The following PDE1C variants were observed in gnomAD, a reference collection of about 807,000 sequenced individuals.
PDE1C encodes the protein phosphodiesterase 1C.
PDE1C carries 62 observed loss-of-function variants against 93.1 expected under a neutral mutation model. The ratio of observed to expected loss-of-function variants is 0.67; its 90% CI spans 0.54 to 0.82. PDE1C has a LOEUF of 0.82. Among genes scored for constraint, PDE1C ranks in the 40% least tolerant of loss-of-function variants. The pLI is 0.00. For synonymous variants in PDE1C, 325 were observed against 310.1 expected, an observed-to-expected ratio of 1.05 and a Z score of -0.50; for missense variants, 742 against 884.6, an observed-to-expected ratio of 0.84 and a Z score of 2.04.
At chr7:31,674,530 T>G in the PDE1C span, among the ~76,000 whole-genome samples, 4 of 152,200 alleles carry the variant, frequency 2.6e-5, no homozygotes, top group South Asian at 8.3e-4. Context: ...AATAAAGATA[T>G]AAAGATATAT....
intron 2 of PDE1C, among the ~76,000 whole-genome samples, chr7:32,040,104 T>C (rs942644249): frequency 6.6e-6 from 1 of 152,308 alleles, no homozygotes; most frequent in South Asian, 2.1e-4. Context: ...CAGCTACATT[T>C]ATGAAACATA....
intron 16 of PDE1C, among the ~76,000 whole-genome samples, chr7:31,792,497 C>T (rs1316745427): frequency 6.6e-6 from 1 of 152,008 alleles, no homozygotes; most frequent in East Asian, 1.9e-4. Context: ...ATAATAAACA[C>T]ACCAATTATA....
At chr7:32,250,956 C>T (rs762148342) in intron 1 of PDE1C, among the ~76,000 whole-genome samples, 1 of 152,214 alleles carries the variant, frequency 6.6e-6, no homozygotes, top group Non-Finnish European at 1.5e-5. Flanking sequence ...TGATCTAATG[C>T]CAGATGGCGA....
At chr7:31,962,681 G>C (rs186228329) in intron 2 of PDE1C, among the ~76,000 whole-genome samples, 21 of 152,314 alleles carry the variant, frequency 1.4e-4, no homozygotes, top group Middle Eastern at 3.4e-3. Context: ...ATGGCTAACA[G>C]AAATGAAATG....
At chr7:32,128,379 C>T (rs966282547) in intron 3 of PDE1C, among the ~76,000 whole-genome samples, 2 of 151,658 alleles carry the variant, frequency 1.3e-5, no homozygotes, top group African/African-American at 4.8e-5. Context: ...TATGTCAACA[C>T]ACAACATAAA....
chr7:31,931,457 G>C (rs1467782795), intron 2 of PDE1C, among the ~76,000 whole-genome samples: 1 of 152,262 alleles, frequency 6.6e-6, no homozygotes, highest in East Asian at 1.9e-4. Context: ...GACAAACAGA[G>C]AGCCAAATCA....
chr7:32,348,733 G>C (rs1292653770), intron 1 of PDE1C, among the ~76,000 whole-genome samples: 2 of 152,076 alleles, frequency 1.3e-5, no homozygotes, highest in African/African-American at 4.8e-5. Flanking sequence ...CTGGGGTAGG[G>C]GGACTCCCCA....
chr7:31,892,186 G>A (rs980902034), intron 2 of PDE1C, among the ~76,000 whole-genome samples: 3 of 152,144 alleles, frequency 2.0e-5, no homozygotes, highest in Admixed American at 2.0e-4. Context: ...CTTCGGCTTG[G>A]CCTCAGCAGC....
At chr7:32,121,175 T>C (rs1355710370) in intron 3 of PDE1C, among the ~76,000 whole-genome samples, 1 of 151,602 alleles carries the variant, frequency 6.6e-6, no homozygotes, top group Non-Finnish European at 1.5e-5. Flanking sequence ...CAGACAAGGA[T>C]ACAGAAAAAA....
intron 1 of PDE1C, among the ~76,000 whole-genome samples, chr7:32,375,338 A>G (rs1174415766): frequency 6.6e-6 from 1 of 152,158 alleles, no homozygotes; most frequent in Non-Finnish European, 1.5e-5. Context: ...CATGAGCAGA[A>G]CAGGGAGAAG....
At chr7:31,935,375 C>T (rs1414448119) in intron 2 of PDE1C, among the ~76,000 whole-genome samples, 1 of 152,168 alleles carries the variant, frequency 6.6e-6, no homozygotes, top group Non-Finnish European at 1.5e-5. Flanking sequence ...CAGGCCTGCA[C>T]TTCCCTTTTA....
chr7:31,672,489 A>T, the PDE1C span, among the ~76,000 whole-genome samples: 40 of 151,210 alleles, frequency 2.6e-4, no homozygotes, highest in African/African-American at 9.7e-4. Flanking sequence ...TGCTAATCTG[A>T]TCAATTTGTT....
intron 9 of PDE1C, among the ~76,000 whole-genome samples, chr7:31,841,227 C>CTCTCTATATATATATATA (rs751320538): frequency 2.1e-5 from 3 of 142,262 alleles, no homozygotes; most frequent in African/African-American, 7.9e-5. Flanking sequence ...CTCTCTCTCT[C>CTCTCTATATATATATATA]TATATATATA....
intron 1 of PDE1C, among the ~76,000 whole-genome samples, chr7:32,305,262 C>T (rs1037794773): frequency 6.6e-6 from 1 of 152,194 alleles, no homozygotes; most frequent in African/African-American, 2.4e-5. Context: ...GTCTTGTGAA[C>T]CTGCTGCATC....
chr7:32,082,293 G>A (rs1584723711), intron 3 of PDE1C, among the ~76,000 whole-genome samples: 1 of 152,218 alleles, frequency 6.6e-6, no homozygotes, highest in Non-Finnish European at 1.5e-5. Flanking sequence ...ACTGCAAGGT[G>A]GCAGCGAGGC....
intron 1 of PDE1C, among the ~76,000 whole-genome samples, chr7:32,355,473 C>T (rs1436150261): frequency 1.3e-5 from 2 of 152,172 alleles, no homozygotes. Context: ...TGGAGTGTTA[C>T]AGTGCCCCTC....
chr7:32,089,885 T>C (rs548016524), intron 3 of PDE1C, among the ~76,000 whole-genome samples: 276 of 152,326 alleles, frequency 1.8e-3, no homozygotes, highest in African/African-American at 6.2e-3. Flanking sequence ...CTCAACAGCA[T>C]TTTTCCTTCT....
intron 7 of PDE1C, among the ~76,000 whole-genome samples, chr7:31,861,645 C>T (rs1794715021): frequency 1.3e-5 from 2 of 152,212 alleles, no homozygotes; most frequent in South Asian, 4.1e-4. Flanking sequence ...TGTTCCAAAT[C>T]CTATTCACCA....
rs1207972839 is a variant in PDE1C, at chr7:32,420,124, T to TATATATAC, written c.310+7697_310+7698insGTATATAT. 1.4e-3 allele frequency among the ~76,000 whole-genome samples: 18 copies of TATATATAC among 13,086 alleles called. 3 individuals are homozygous for TATATATAC. Among genetic ancestry groups the TATATATAC allele is most frequent in the South Asian group, 0.012 (4 of 322 alleles). 8.6% of individuals were successfully genotyped at this position (13,086 alleles called of 152,430 possible). A position where few individuals can be genotyped will look rare whatever the true frequency, so the allele number is the denominator to read the frequency against. On this transcript the variant is annotated intron_variant, in intron 1 of 1. Coordinates refer to the PDE1C transcript ENST00000672256. ...ATATATATATATATATATATATATA[T>TATATATAC]ACACACACACACACACACACACACA...
Sources: allele counts gnomAD v4.1 joint callset (sites outside exome capture counted in the v4.1 genomes callset), GRCh38; gene constraint gnomAD v4.1.1; transcripts MANE v1.5; gene names NCBI Gene and HGNC (gene_info 2026-07-23, HGNC 2026-07-21).